NCAM2: variants seen among roughly 807,000 people sequenced by gnomAD.
NCAM2 encodes neural cell adhesion molecule 2.
Under a neutral mutation model 98.1 loss-of-function variants are expected in NCAM2, and 30 were observed. That is an observed-to-expected ratio of 0.31 (90% CI 0.23 to 0.41). NCAM2 has a LOEUF of 0.41. NCAM2 is among the 10% of genes least tolerant of loss of function. The pLI, the probability that NCAM2 is intolerant of heterozygous loss-of-function variation, is 1.00. For missense variants in NCAM2, 867 were observed against 1,005.8 expected, an observed-to-expected ratio of 0.86 and a Z score of 1.87; for synonymous variants, 368 against 342.4, an observed-to-expected ratio of 1.07 and a Z score of -0.83.
intron 1 of NCAM2, among the ~76,000 whole-genome samples, chr21:21,211,627 A>G (rs527676865): frequency 9.8e-4 from 150 of 152,308 alleles, no homozygotes; most frequent in African/African-American, 3.5e-3. Flanking sequence ...CAACAACAAC[A>G]AAACAAAACA....
At chr21:21,424,944 G>C (rs2077182054) in intron 11 of NCAM2, among the ~76,000 whole-genome samples, 2 of 146,916 alleles carry the variant, frequency 1.4e-5, no homozygotes, top group Admixed American at 1.4e-4. Context: ...GCTGAGGCAG[G>C]AGAATTGCTT....
intron 12 of NCAM2, among the ~76,000 whole-genome samples, chr21:21,446,872 A>T (rs1442314832): frequency 6.6e-6 from 1 of 152,136 alleles, no homozygotes; most frequent in Non-Finnish European, 1.5e-5. Context: ...TTCAAGGAGA[A>T]CTACAAACCA....
intron 1 of NCAM2, among the ~76,000 whole-genome samples, chr21:21,077,994 G>A (rs981498805): frequency 6.6e-6 from 1 of 151,884 alleles, no homozygotes; most frequent in Non-Finnish European, 1.5e-5. Context: ...TGTTTTTTAG[G>A]TAATAGAAAT....
intron 1 of NCAM2, among the ~76,000 whole-genome samples, chr21:21,157,919 T>C (rs2067664342): frequency 6.6e-6 from 1 of 152,186 alleles, no homozygotes; most frequent in African/African-American, 2.4e-5. Context: ...TTCTCATTCC[T>C]CCTAATACAA....
intron 1 of NCAM2, among the ~76,000 whole-genome samples, chr21:21,009,951 A>C (rs2064179038): frequency 7.3e-6 from 1 of 137,750 alleles, no homozygotes; most frequent in South Asian, 2.4e-4. Flanking sequence ...TCTAGGTCCA[A>C]CTTCAGTGAT....
intron 15 of NCAM2, among the ~76,000 whole-genome samples, chr21:21,483,095 C>T (rs972687030): frequency 2.1e-4 from 32 of 152,094 alleles, no homozygotes; most frequent in Non-Finnish European, 4.1e-4. Context: ...AATAAATAAA[C>T]TTACTTTGAA....
rs1979562012 is a variant in NCAM2 at position 21,443,145 on chromosome 21, A to G, written c.1654+10864A>G. On this transcript the variant is annotated intron_variant, in intron 12 of 17. Transcript: ENST00000400546. ...TTTGCAGGGACATGGATGAAGCTGGAAACCATCATTCTCAGTAAACTATCA... is the reference window on the plus strand; with the variant it reads ...TTTGCAGGGACATGGATGAAGCTGGGAACCATCATTCTCAGTAAACTATCA... Among the ~76,000 whole-genome samples the G allele has an allele frequency of 3.9e-5, 6 of 152,322 alleles. No homozygotes were observed. The South Asian group carries it at 1.2e-3, about 32-fold the overall frequency.
At chr21:21,240,784 T>C (rs1171187724) in intron 1 of NCAM2, among the ~76,000 whole-genome samples, 1 of 152,196 alleles carries the variant, frequency 6.6e-6, no homozygotes, top group Non-Finnish European at 1.5e-5. Context: ...GGATTTATAG[T>C]GAATTTAGGC....
At chr21:21,279,957 C>T (rs913448005) in intron 1 of NCAM2, among the ~76,000 whole-genome samples, 2 of 152,192 alleles carry the variant, frequency 1.3e-5, no homozygotes, top group African/African-American at 4.8e-5. Context: ...TTCTAAACTT[C>T]TAGATATTCA....
chr21:21,219,289 A>C (rs988680252), intron 1 of NCAM2, among the ~76,000 whole-genome samples: 1 of 152,198 alleles, frequency 6.6e-6, no homozygotes, highest in African/African-American at 2.4e-5. Context: ...AAAGCCACCA[A>C]GATTGTGATA....
chr21:21,106,327 A>G (rs1055015057), intron 1 of NCAM2, among the ~76,000 whole-genome samples: 5 of 151,090 alleles, frequency 3.3e-5, no homozygotes, highest in Non-Finnish European at 7.4e-5. Context: ...AAAAAAAAAA[A>G]AAGGAACAGC....
chr21:21,275,746 T>A (rs969471823), intron 1 of NCAM2, among the ~76,000 whole-genome samples: 4 of 152,192 alleles, frequency 2.6e-5, no homozygotes, highest in Non-Finnish European at 5.9e-5. Flanking sequence ...TTTCATATTC[T>A]TTGCCACAGG....
At chr21:21,400,739 G>A (rs2076610566) in intron 9 of NCAM2, among the ~76,000 whole-genome samples, 1 of 151,652 alleles carries the variant, frequency 6.6e-6, no homozygotes, top group Non-Finnish European at 1.5e-5. Flanking sequence ...GCACCTTATT[G>A]TACAAACATA....
intron 1 of NCAM2, among the ~76,000 whole-genome samples, chr21:21,171,846 AT>A (rs1371603353): frequency 6.0e-5 from 2 of 33,200 alleles, no homozygotes; most frequent in African/African-American, 9.5e-5. Context: ...AATCAACAGA[AT>A]TTTTTTTTTC....
At chr21:21,454,973 T>C (rs986893049) in intron 12 of NCAM2, among the ~76,000 whole-genome samples, 2 of 151,964 alleles carry the variant, frequency 1.3e-5, no homozygotes, top group African/African-American at 4.8e-5. Context: ...TTTCCTTCTC[T>C]AGATACAAGG....
At chr21:21,175,418 A>C (rs1353577093) in intron 1 of NCAM2, among the ~76,000 whole-genome samples, 2 of 152,204 alleles carry the variant, frequency 1.3e-5, no homozygotes, top group East Asian at 3.9e-4. Flanking sequence ...CTGTCTTCCC[A>C]GCTACTCAGG....
intron 1 of NCAM2, among the ~76,000 whole-genome samples, chr21:21,193,787 C>T (rs2068909069): frequency 6.6e-6 from 1 of 152,114 alleles, no homozygotes; most frequent in South Asian, 2.1e-4. Flanking sequence ...AGCCACCGCA[C>T]CTGGCCTCAG....
chr21:21,078,248 A>G (rs61394425), intron 1 of NCAM2, among the ~76,000 whole-genome samples: 26,326 of 152,186 alleles, frequency 0.17, 2,491 homozygotes, highest in Non-Finnish European at 0.19. Context: ...GTGCTCAGGT[A>G]TATGTGTGCT....
chr21:21,305,071 A>G (rs2073837994), intron 5 of NCAM2, among the ~76,000 whole-genome samples: 1 of 152,180 alleles, frequency 6.6e-6, no homozygotes, highest in Admixed American at 6.6e-5. Flanking sequence ...TAATCCCAGC[A>G]CTTTGGAAGG....
Sources: gnomAD v4.1 joint callset for allele counts (sites outside exome capture counted in the v4.1 genomes callset) on GRCh38, gnomAD v4.1.1 for gene constraint, MANE v1.5 for transcripts, NCBI Gene and HGNC (gene_info 2026-07-23, HGNC 2026-07-21) for gene names.